The following DCDC2 variants were observed in gnomAD, a reference collection of about 807,000 sequenced individuals.
DCDC2 encodes the protein doublecortin domain containing 2.
Under a neutral mutation model 50.2 loss-of-function variants are expected in DCDC2, and 40 were observed. The observed-to-expected ratio is 0.80, with a 90% CI of 0.62 to 1.04. DCDC2 has a LOEUF of 1.04. Ranked by LOEUF, DCDC2 falls within the 50% of genes least tolerant of loss-of-function variation. DCDC2 has a pLI of 0.00. For missense variants in DCDC2, 570 were observed against 581.9 expected, an observed-to-expected ratio of 0.98 and a Z score of 0.21; for synonymous variants, 234 against 210.6, an observed-to-expected ratio of 1.11 and a Z score of -0.96.
chr6:24,228,434 GT>G (rs1449661136), intron 7 of DCDC2, among the ~76,000 whole-genome samples: 1 of 152,174 alleles, frequency 6.6e-6, no homozygotes, highest in Non-Finnish European at 1.5e-5. Context: ...ATTATTTTGA[GT>G]TTTTTCTCAA....
chr6:24,345,469 T>C (rs1027740274), intron 2 of DCDC2, among the ~76,000 whole-genome samples: 5 of 152,304 alleles, frequency 3.3e-5, no homozygotes, highest in African/African-American at 1.2e-4. Context: ...CTCTCTTCCT[T>C]TCTCTCTTCC....
intron 7 of DCDC2, among the ~76,000 whole-genome samples, chr6:24,215,723 C>CA (rs766506313): frequency 3.9e-5 from 6 of 152,146 alleles, no homozygotes; most frequent in Non-Finnish European, 8.8e-5. Context: ...CATGATGGGT[C>CA]AGGACGCTCC....
intron 4 of DCDC2, among the ~76,000 whole-genome samples, chr6:24,292,847 G>A (rs1561762002): frequency 6.6e-6 from 1 of 152,222 alleles, no homozygotes; most frequent in South Asian, 2.1e-4. Context: ...CTAAACAGTA[G>A]CAGTAGCCAC....
intron 2 of DCDC2, among the ~76,000 whole-genome samples, chr6:24,333,456 C>A (rs1302240203): frequency 1.3e-5 from 2 of 152,186 alleles, no homozygotes; most frequent in Admixed American, 6.5e-5. Context: ...CCAATTCACA[C>A]ACACACACGC....
intron 7 of DCDC2, among the ~76,000 whole-genome samples, chr6:24,274,968 T>C (rs1272440212): frequency 6.6e-6 from 1 of 152,182 alleles, no homozygotes; most frequent in Non-Finnish European, 1.5e-5. Flanking sequence ...GCTTATTTAA[T>C]ATCAAATTTA....
At chr6:24,220,923 C>CGAGCGAGCGAGAGAGCGAGCGAGCGA (rs1304204414) in intron 7 of DCDC2, among the ~76,000 whole-genome samples, 1 of 105,286 alleles carries the variant, frequency 9.5e-6, no homozygotes, top group Non-Finnish European at 1.8e-5. Context: ...AGCGAGCGAG[C>CGAGCGAGCGAGAGAGCGAGCGAGCGA]GAGAGCACAT....
rs1422353933 is a variant in DCDC2 at position 24,333,202 on chromosome 6, T to C, written c.348+20367A>G. Among the ~76,000 whole-genome samples the C allele has an allele frequency of 4.6e-5, 7 of 152,182 alleles. No individual in the cohort carries two copies. The East Asian group carries it at 7.7e-4, about 17-fold the overall frequency. ...TGGACAGAAGAAAGGCCAGAAGTCATGCCATGTCCCTTCCATTGCATTTTA... is the reference window on the plus strand; with the variant it reads ...TGGACAGAAGAAAGGCCAGAAGTCACGCCATGTCCCTTCCATTGCATTTTA... On this transcript the variant is annotated intron_variant, in intron 2 of 9. Coordinates refer to ENST00000378454, the MANE Select transcript of DCDC2 (RefSeq NM_016356.5).
At chr6:24,221,336 T>C (rs1762113999) in intron 7 of DCDC2, among the ~76,000 whole-genome samples, 1 of 152,154 alleles carries the variant, frequency 6.6e-6, no homozygotes, top group South Asian at 2.1e-4. Flanking sequence ...GTCTGCTCAC[T>C]TGCCTGTCCT....
chr6:24,341,679 T>G (rs1760157577), intron 2 of DCDC2, among the ~76,000 whole-genome samples: 1 of 152,200 alleles, frequency 6.6e-6, no homozygotes, highest in South Asian at 2.1e-4. Context: ...ACATGTATAC[T>G]TTCCCACAAA....
At chr6:24,350,652 T>A (rs937607503) in intron 2 of DCDC2, among the ~76,000 whole-genome samples, 6 of 152,096 alleles carry the variant, frequency 3.9e-5, no homozygotes, top group African/African-American at 1.4e-4. Context: ...TTTGTGCTAC[T>A]ACGGCACTGA....
At chr6:24,378,545 G>A in the DCDC2 span, among the ~76,000 whole-genome samples, 2 of 152,120 alleles carry the variant, frequency 1.3e-5, no homozygotes, top group South Asian at 4.1e-4. Flanking sequence ...GAATAAAGTT[G>A]AAGCTGCACT....
At chr6:24,287,582 T>C (rs916699419) in intron 6 of DCDC2, among the ~76,000 whole-genome samples, 4 of 152,226 alleles carry the variant, frequency 2.6e-5, no homozygotes, top group African/African-American at 9.6e-5. Context: ...CTTGGCATAG[T>C]GTTGAGCCCA....
intron 8 of DCDC2, among the ~76,000 whole-genome samples, chr6:24,193,253 TC>T (rs1761349937): frequency 6.6e-6 from 1 of 151,964 alleles, no homozygotes; most frequent in Admixed American, 6.6e-5. Context: ...AGAGGTGAGT[TC>T]CACAAAAATT....
chr6:24,210,019 G>GGTGTGTGTGTGTGT (rs71002475), intron 7 of DCDC2, among the ~76,000 whole-genome samples: 241 of 145,240 alleles, frequency 1.7e-3, no homozygotes, highest in Admixed American at 3.8e-3. Context: ...GCAGTATCAG[G>GGTGTGTGTGTGTGT]GTGTGTGTGT....
the DCDC2 span, among the ~76,000 whole-genome samples, chr6:24,374,487 T>C: frequency 2.9e-5 from 4 of 139,132 alleles, no homozygotes; most frequent in African/African-American, 1.1e-4. Flanking sequence ...TGCTGAGGCA[T>C]GAGAATTGCT....
chr6:24,196,452 G>T (rs1424579458), intron 8 of DCDC2, among the ~76,000 whole-genome samples: 1 of 152,068 alleles, frequency 6.6e-6, no homozygotes, highest in Non-Finnish European at 1.5e-5. Context: ...ACAGAGTCTC[G>T]CTGTGTCACC....
intron 7 of DCDC2, among the ~76,000 whole-genome samples, chr6:24,232,207 G>T: frequency 6.6e-6 from 1 of 152,110 alleles, no homozygotes; most frequent in Non-Finnish European, 1.5e-5. Flanking sequence ...TTCACATAAA[G>T]TGCCATAAAA....
chr6:24,245,624 C>A (rs1762652299), intron 7 of DCDC2, among the ~76,000 whole-genome samples: 1 of 152,202 alleles, frequency 6.6e-6, no homozygotes, highest in Admixed American at 6.5e-5. Context: ...CCTAGACACA[C>A]AAGACTGTCT....
At chr6:24,268,527 T>C (rs889819085) in intron 7 of DCDC2, among the ~76,000 whole-genome samples, 7 of 152,256 alleles carry the variant, frequency 4.6e-5, no homozygotes, top group Admixed American at 3.9e-4. Context: ...GTGAAACTAC[T>C]GCTCAATGGA....
Sources: gnomAD v4.1 joint callset for allele counts (sites outside exome capture counted in the v4.1 genomes callset) on GRCh38, gnomAD v4.1.1 for gene constraint, MANE v1.5 for transcripts, NCBI Gene and HGNC (gene_info 2026-07-23, HGNC 2026-07-21) for gene names.